ROBO1: variants seen among roughly 807,000 people sequenced by gnomAD.
ROBO1 encodes roundabout guidance receptor 1.
In ROBO1, 149 loss-of-function variants were observed where a neutral mutation model predicts 195.9. That is an observed-to-expected ratio of 0.76 (90% CI 0.67 to 0.87). The LOEUF is 0.87. Among genes scored for constraint, ROBO1 ranks in the 40% least tolerant of loss-of-function variants. The pLI is 0.00. For missense variants in ROBO1, 1,933 were observed against 2,068.3 expected (o/e 0.93, Z 1.27); for synonymous variants, 816 against 733.2 (o/e 1.11, Z -1.82).
intron 2 of ROBO1, among the ~76,000 whole-genome samples, chr3:79,234,164 TG>T (rs1333866406): frequency 6.6e-6 from 1 of 152,174 alleles, no homozygotes; most frequent in African/African-American, 2.4e-5. Context: ...TAGTTTGTTT[TG>T]TTGTGCAGAA....
chr3:79,309,069 A>AG (rs916947119), intron 2 of ROBO1, among the ~76,000 whole-genome samples: 159 of 152,136 alleles, frequency 1.0e-3, no homozygotes, highest in African/African-American at 3.7e-3. Flanking sequence ...TTGAAGAAAA[A>AG]AAAAGCCACT....
intron 2 of ROBO1, among the ~76,000 whole-genome samples, chr3:79,559,881 C>T (rs1241923732): frequency 3.9e-5 from 6 of 152,066 alleles, no homozygotes; most frequent in Non-Finnish European, 8.8e-5. Context: ...CGTACCATTG[C>T]ACTCCAGCCT....
intron 25 of ROBO1, among the ~76,000 whole-genome samples, chr3:78,630,840 G>A (rs1270513468): frequency 2.0e-5 from 3 of 152,152 alleles, no homozygotes; most frequent in African/African-American, 7.2e-5. Context: ...TGTCACAGAA[G>A]TTCTAATACT....
At chr3:78,619,397 G>C (rs1704317549) in intron 26 of ROBO1, among the ~76,000 whole-genome samples, 1 of 151,846 alleles carries the variant, frequency 6.6e-6, no homozygotes, top group South Asian at 2.1e-4. Flanking sequence ...AACTGCAAAT[G>C]CCTAGAGATG....
At chr3:79,248,310 G>A (rs995895478) in intron 2 of ROBO1, among the ~76,000 whole-genome samples, 2 of 148,546 alleles carry the variant, frequency 1.3e-5, no homozygotes, top group African/African-American at 5.0e-5. Context: ...GGAAAACCCT[G>A]GGTACAATGT....
At chr3:78,806,353 A>C (rs376939266) in intron 4 of ROBO1, among the ~76,000 whole-genome samples, 13 of 152,150 alleles carry the variant, frequency 8.5e-5, no homozygotes, top group African/African-American at 2.7e-4. Flanking sequence ...TTGAGGTACC[A>C]GTGTCAGTGA....
At chr3:79,102,119 T>C (rs1425794613) in intron 3 of ROBO1, among the ~76,000 whole-genome samples, 3 of 151,830 alleles carry the variant, frequency 2.0e-5, no homozygotes, top group African/African-American at 4.8e-5. Flanking sequence ...GCACATAAAA[T>C]ATATACTATT....
chr3:79,499,458 G>A (rs1939936140), intron 2 of ROBO1, among the ~76,000 whole-genome samples: 1 of 152,030 alleles, frequency 6.6e-6, no homozygotes, highest in Admixed American at 6.6e-5. Flanking sequence ...CCAACCTGTA[G>A]GCTATTTTTG....
chr3:78,866,959 C>T (rs1344454014), intron 4 of ROBO1, among the ~76,000 whole-genome samples: 1 of 152,196 alleles, frequency 6.6e-6, no homozygotes, highest in African/African-American at 2.4e-5. Flanking sequence ...ATTTGTGCTT[C>T]AGTTACCACT....
intron 29 of ROBO1, among the ~76,000 whole-genome samples, chr3:78,603,352 C>T (rs962555482): frequency 5.3e-5 from 8 of 152,138 alleles, no homozygotes; most frequent in African/African-American, 1.9e-4. Flanking sequence ...CTAACATTCT[C>T]TCAGAGTCCT....
At chr3:78,693,607 A>G (rs1442934063) in intron 8 of ROBO1, among the ~76,000 whole-genome samples, 1 of 152,196 alleles carries the variant, frequency 6.6e-6, no homozygotes, top group East Asian at 1.9e-4. Context: ...GCAGAGCTAC[A>G]ATGAATGAGA....
intron 3 of ROBO1, among the ~76,000 whole-genome samples, chr3:79,059,582 T>C (rs1348742406): frequency 2.0e-5 from 3 of 152,050 alleles, no homozygotes; most frequent in Non-Finnish European, 4.4e-5. Flanking sequence ...ACATAAATTG[T>C]GAAGATTTCA....
intron 18 of ROBO1, among the ~76,000 whole-genome samples, chr3:78,656,086 C>T (rs1435848237): frequency 1.3e-5 from 2 of 151,552 alleles, no homozygotes; most frequent in Non-Finnish European, 2.9e-5. Context: ...CCATATTGCC[C>T]AGAGTGAATT....
intron 3 of ROBO1, among the ~76,000 whole-genome samples, chr3:78,988,514 T>C (rs748889751): frequency 3.9e-5 from 6 of 152,144 alleles, no homozygotes; most frequent in Non-Finnish European, 5.9e-5. Context: ...AGACCTTTTA[T>C]CCCCACCTGC....
chr3:78,938,892 T>C lies in ROBO1; in HGVS notation c.208A>G (p.Ile70Val). ...RLRQEDFPPR[I>V]VEHPSDLIVS... ...ATCAGGTCTGAAGGGTGTTCAACAA[T>C]GCGAGGTGGAAAATCTTCCTGACGA... The change falls in exon 4 of 31, where the codon ATT (isoleucine) becomes GTT (valine). Residue 70 changes from isoleucine to valine, a missense_variant. Physicochemically the swap from Ile to Val is conservative, Grantham distance 29 (BLOSUM62 3). This residue lies in a region of ROBO1 where 185 missense variants were observed against 159.5 expected (regional missense o/e 1.16). Coordinates refer to ENST00000464233, the MANE Select transcript of ROBO1 (RefSeq NM_002941.4). 6 of 1,610,750 alleles carry C rather than the reference T, an allele frequency of 3.7e-6. No individual in the cohort carries two copies. Among genetic ancestry groups the C allele is most frequent in the Non-Finnish European group, 4.2e-6 (5 of 1,177,970 alleles).
At chr3:78,908,941 A>G (rs1302587567) in intron 4 of ROBO1, among the ~76,000 whole-genome samples, 1 of 151,934 alleles carries the variant, frequency 6.6e-6, no homozygotes, top group Non-Finnish European at 1.5e-5. Flanking sequence ...TTAAAGTTAT[A>G]CTGATAAAAG....
chr3:79,259,332 A>AT (rs977361438), intron 2 of ROBO1, among the ~76,000 whole-genome samples: 1 of 151,816 alleles, frequency 6.6e-6, no homozygotes, highest in African/African-American at 2.4e-5. Context: ...TAGAGACAGG[A>AT]TTTTGTCATG....
chr3:79,301,723 C>T (rs921401809), intron 2 of ROBO1, among the ~76,000 whole-genome samples: 6 of 152,190 alleles, frequency 3.9e-5, no homozygotes, highest in East Asian at 1.9e-4. Context: ...ACAATAAAAA[C>T]GAAAGGTATT....
chr3:79,458,778 A>T (rs1192417301), intron 2 of ROBO1, among the ~76,000 whole-genome samples: 1 of 152,128 alleles, frequency 6.6e-6, no homozygotes, highest in African/African-American at 2.4e-5. Context: ...TTTTTAGCAT[A>T]AAGCAAAACA....
Sources: allele counts gnomAD v4.1 joint callset (sites outside exome capture counted in the v4.1 genomes callset), GRCh38; gene constraint gnomAD v4.1.1; regional missense constraint gnomAD v4.1.1; transcripts MANE v1.5; gene names NCBI Gene and HGNC (gene_info 2026-07-23, HGNC 2026-07-21).